The following NCOR1 variants were observed in gnomAD, a reference collection of about 807,000 sequenced individuals.
The protein encoded by NCOR1 is protein phosphatase 1, regulatory subunit 109.
Under a neutral mutation model 288.1 loss-of-function variants are expected in NCOR1, and 63 were observed. The ratio of observed to expected loss-of-function variants is 0.22; its 90% CI spans 0.18 to 0.27. NCOR1 has a LOEUF of 0.27. Ranked by LOEUF, NCOR1 falls within the 10% of genes least tolerant of loss-of-function variation. The pLI is 1.00. For synonymous variants in NCOR1, 1,007 were observed against 1,065.9 expected, an observed-to-expected ratio of 0.94 and a Z score of 1.08; for missense variants, 2,397 against 3,019.2, an observed-to-expected ratio of 0.79 and a Z score of 4.83.
rs536987809 is a variant in NCOR1, at chr17:16,127,606, CAT to C, written c.1510-1402_1510-1401del. Among the ~76,000 whole-genome samples the C allele has an allele frequency of 3.1e-4, 37 of 119,948 alleles. 2 individuals carry two copies. Among genetic ancestry groups the C allele is most frequent in the Middle Eastern group, 4.7e-3 (1 of 214 alleles). 78.7% of individuals were successfully genotyped at this position (119,948 alleles called of 152,430 possible). ...ATGTGTATATATGTATGTATACATA[CAT>C]ATGTGTATGTGTATATATACATATA... On this transcript the variant is annotated intron_variant, in intron 14 of 45. Transcript: ENST00000268712.
At chr17:16,086,469 T>A (rs1178626492) in intron 22 of NCOR1, 27 bp from the exon 23 acceptor site, 1 of 1,592,472 alleles carries the variant, frequency 6.3e-7, no homozygotes, top group Non-Finnish European at 8.6e-7. Context: ...AAAATGATTT[T>A]AAACTAGTCC....
chr17:16,155,589 G>A (rs914741151), intron 6 of NCOR1, among the ~76,000 whole-genome samples: 9 of 152,126 alleles, frequency 5.9e-5, no homozygotes, highest in Non-Finnish European at 1.0e-4. Context: ...TATGATGCAA[G>A]TCAACTTTTC....
At chr17:16,089,974 T>C (rs1310066928) in intron 22 of NCOR1, among the ~76,000 whole-genome samples, 1 of 152,140 alleles carries the variant, frequency 6.6e-6, no homozygotes, top group African/African-American at 2.4e-5. Context: ...AATGTCATAC[T>C]AATCAAAAGT....
intron 38 of NCOR1, 164 bp from the exon 39 acceptor site, chr17:16,058,228 A>AAGTCTGAGGACT (rs2060152745): frequency 1.1e-6 from 1 of 919,458 alleles, no homozygotes; most frequent in Non-Finnish European, 1.6e-6. Flanking sequence ...TTCACTGAAG[A>AAGTCTGAGGACT]AGTCTGAGGA....
intron 37 of NCOR1, among the ~76,000 whole-genome samples, chr17:16,060,806 G>A (rs1467645332): frequency 3.3e-5 from 5 of 152,090 alleles, no homozygotes; most frequent in Non-Finnish European, 5.9e-5. Context: ...ATTCCACATA[G>A]AATTAAGGCA....
At chr17:16,159,774 T>G (rs1397514239) in intron 5 of NCOR1, among the ~76,000 whole-genome samples, 2 of 151,904 alleles carry the variant, frequency 1.3e-5, no homozygotes, top group Admixed American at 1.3e-4. Context: ...GTGCCTGGGT[T>G]TGAGCCTCAG....
intron 2 of NCOR1, among the ~76,000 whole-genome samples, chr17:16,188,344 G>A (rs2087213869): frequency 6.6e-6 from 1 of 152,184 alleles, no homozygotes; most frequent in Non-Finnish European, 1.5e-5. Context: ...TGGCACAGTG[G>A]CTCATGCCTG....
rs2061759674 is a variant in NCOR1 at position 16,071,494 on chromosome 17, C to T, written c.4067G>A (p.Arg1356Lys). Reference protein sequence around the residue: ...EMGRSIHEIPRQDILTQESRK... With the variant: ...EMGRSIHEIPKQDILTQESRK... ...ACTTTCCTGAGTTAAAATATCTTGC[C>T]TTGGAATCTCATGAATGGAACGCCC... Residue 1356 changes from arginine (R) to lysine (K), a missense_variant, in exon 30 of 46, where the codon AGG (arginine) becomes AAG (lysine). Transcript: ENST00000268712. The T allele has an allele frequency of 6.2e-7, 1 of 1,614,136 alleles. No individual in the cohort carries two copies. The highest frequency in any genetic ancestry group is 8.5e-7 in the Non-Finnish European group (1 of 1,180,030).
chr17:16,077,382 C>T (rs2062623463), intron 26 of NCOR1, among the ~76,000 whole-genome samples: 1 of 145,760 alleles, frequency 6.9e-6, no homozygotes, highest in Non-Finnish European at 1.5e-5. Flanking sequence ...CCAGCCTGGG[C>T]AACAGAGCAA....
chr17:16,164,408 A>T (rs1299925345), intron 5 of NCOR1, among the ~76,000 whole-genome samples: 1 of 152,202 alleles, frequency 6.6e-6, no homozygotes, highest in East Asian at 1.9e-4. Context: ...AGGAGACTAT[A>T]GACAAAACGC....
rs1373365477 is a variant in NCOR1 at position 16,070,470 on chromosome 17, A to G, written c.4208T>C (p.Val1403Ala). ...GCTAGGCCCCGTGATTAAGGATTTG[A>G]CATTGTGTTTGATGGCAGATTGACC... Reference protein sequence around the residue: ...NSGQSAIKHNVKSLITGPSKL... With the variant: ...NSGQSAIKHNAKSLITGPSKL... The change falls in exon 31 of 46, where the codon GTC becomes GCC. Residue 1403 changes from valine (V) to alanine (A), a missense_variant. Coordinates refer to ENST00000268712, the MANE Select transcript of NCOR1 (RefSeq NM_006311.4). The G allele has an allele frequency of 2.5e-6, 4 of 1,614,078 alleles. No individual in the cohort carries two copies. The highest frequency in any genetic ancestry group is 3.3e-5 in the Admixed American group (2 of 60,000).
chr17:16,133,196 T>G (rs1192007932), intron 14 of NCOR1, among the ~76,000 whole-genome samples: 1 of 152,198 alleles, frequency 6.6e-6, no homozygotes, highest in Non-Finnish European at 1.5e-5. Flanking sequence ...CTCGAATTCC[T>G]GACCTCAAGT....
chr17:16,129,603 C>T (rs547318500), intron 14 of NCOR1, among the ~76,000 whole-genome samples: 1 of 152,212 alleles, frequency 6.6e-6, no homozygotes, highest in East Asian at 1.9e-4. Flanking sequence ...CCCTGGGACA[C>T]TACAGTGGTC....
Position 16,194,535 on chromosome 17 carries a change from G to A in NCOR1, c.35C>T (p.Ala12Val), listed in dbSNP as rs1217779606. The A allele has an allele frequency of 1.9e-6, 3 of 1,609,218 alleles. No individual in the cohort carries two copies. The highest frequency in any genetic ancestry group is 2.5e-6 in the Non-Finnish European group (3 of 1,177,642). ...SSSGYPPNQG[A>V]FSTEQSRYPP... is the part of the protein sequence containing the mutation. ...ATAACGACTTTGTTCTGTGCTGAAT[G>A]CTCCTTGGTTGGGAGGATAACCTGA... The change falls in exon 2 of 46, where the codon GCA becomes GTA. Residue 12 changes from alanine to valine, a missense_variant. By Grantham distance (64) the Ala-to-Val change is moderately conservative. Around this residue, in one of 11 missense-constraint regions of NCOR1, gnomAD observed 55 missense variants for 69.6 expected, o/e 0.79. Coordinates refer to ENST00000268712, the MANE Select transcript of NCOR1 (RefSeq NM_006311.4).
intron 17 of NCOR1, 125 bp downstream of exon 17, chr17:16,119,298 G>C (rs2072475690): frequency 1.6e-6 from 1 of 631,036 alleles, no homozygotes; most frequent in Admixed American, 3.0e-5. Context: ...AGTCACTTCT[G>C]AGTCCTCTTT....
intron 3 of NCOR1, among the ~76,000 whole-genome samples, chr17:16,182,408 A>C (rs149855703): frequency 0.01 from 1,552 of 152,332 alleles, 33 homozygotes; most frequent in African/African-American, 0.035. Flanking sequence ...TTAAACACTC[A>C]GGGCCTAAAA....
intron 16 of NCOR1, among the ~76,000 whole-genome samples, chr17:16,120,362 T>C (rs1311430161): frequency 6.6e-6 from 1 of 152,032 alleles, no homozygotes; most frequent in African/African-American, 2.4e-5. Context: ...CAAAGCAAAA[T>C]ACATTTCAAA....
At chr17:16,090,306 A>C (rs868288154) in intron 22 of NCOR1, among the ~76,000 whole-genome samples, 1 of 152,154 alleles carries the variant, frequency 6.6e-6, no homozygotes, top group Non-Finnish European at 1.5e-5. Context: ...TCTAACTTTT[A>C]CTACTTCTTC....
At chr17:16,182,497 C>G (rs759609886) in intron 3 of NCOR1, among the ~76,000 whole-genome samples, 3 of 152,102 alleles carry the variant, frequency 2.0e-5, no homozygotes, top group Non-Finnish European at 4.4e-5. Context: ...CTCTGTCACC[C>G]AGGATGGAGT....
Sources: gnomAD v4.1 joint callset for allele counts (sites outside exome capture counted in the v4.1 genomes callset) on GRCh38, gnomAD v4.1.1 for gene constraint, gnomAD v4.1.1 regional missense constraint, MANE v1.5 for transcripts, NCBI Gene and HGNC (gene_info 2026-07-23, HGNC 2026-07-21) for gene names.